ARHGEF6: variants seen among roughly 807,000 people sequenced by gnomAD.
The protein encoded by ARHGEF6 is Rac/Cdc42 guanine nucleotide exchange factor 6.
ARHGEF6 carries 9 observed loss-of-function variants against 70.3 expected under a neutral mutation model. The observed-to-expected ratio is 0.13, with a 90% CI of 0.08 to 0.22. ARHGEF6 has a LOEUF of 0.22. Ranked by LOEUF, ARHGEF6 falls within the 10% of genes least tolerant of loss-of-function variation. The probability of loss-of-function intolerance (pLI) is 1.00; values close to 1 mark genes in which losing one functional copy is unlikely to be tolerated. For missense variants in ARHGEF6, 470 were observed against 563.0 expected, an observed-to-expected ratio of 0.83 and a Z score of 1.67; for synonymous variants, 201 against 207.8, an observed-to-expected ratio of 0.97 and a Z score of 0.28.
chrX:136,694,367 TTTTG>T (rs1171915697), intron 9 of ARHGEF6, among the ~76,000 whole-genome samples: 1 of 112,184 alleles, frequency 8.9e-6, no homozygotes, highest in Non-Finnish European at 1.9e-5. Flanking sequence ...CCCTACCACT[TTTTG>T]TTTGTGATCA....
At position 136,680,857 on chromosome X, in the gene ARHGEF6, A is replaced by G. The variant is rs2076326634; in HGVS notation, c.1578T>C (p.Ile526=). The G allele has an allele frequency of 8.3e-7, 1 of 1,210,222 alleles. No individual in the cohort carries two copies. The highest frequency in any genetic ancestry group is 1.7e-5 in the African/African-American group (1 of 57,177). ...FEITGNTVER[I]VVHCNNNQDF... ...CCTGGTTGTTGTTACAATGGACCAC[A>G]ATTCTCTCCACTGTGTTACCTACAT... is the stretch of plus-strand genomic sequence containing the variant. The change falls in exon 15 of 22, where the codon ATT becomes ATC. Residue 526 remains isoleucine (I), a synonymous_variant. Transcript: ENST00000250617.
At chrX:136,758,765 C>T (rs649869) in intron 2 of ARHGEF6, among the ~76,000 whole-genome samples, 3 of 111,425 alleles carry the variant, frequency 2.7e-5, no homozygotes, top group African/African-American at 9.8e-5. Flanking sequence ...CAACTCCTGA[C>T]CATCTACATG....
rs185474990 is a variant in ARHGEF6, at chrX:136,736,275, A to G, written c.662-4103T>C. Among the ~76,000 whole-genome samples, 11 of 112,294 alleles carry G rather than the reference A, an allele frequency of 9.8e-5. No individual in the cohort carries two copies. The East Asian group carries it at 3.1e-3, about 31-fold the overall frequency. On this transcript the variant is annotated intron_variant, in intron 5 of 21. Coordinates refer to ENST00000250617, the MANE Select transcript of ARHGEF6 (RefSeq NM_004840.3). ...ACAAGTTACCACTGATTTTTCAAAGAGAACGGAAAATTGTATAAGTGGCTA... is the reference window on the plus strand; with the variant it reads ...ACAAGTTACCACTGATTTTTCAAAGGGAACGGAAAATTGTATAAGTGGCTA...
chrX:136,679,451 C>A, intron 16 of ARHGEF6, 84 bp downstream of exon 16: 1 of 1,090,641 alleles, frequency 9.2e-7, no homozygotes. Flanking sequence ...ATCTTAAATT[C>A]TAGCACATTC....
At chrX:136,684,507 C>T (rs2076364416) in intron 12 of ARHGEF6, among the ~76,000 whole-genome samples, 1 of 111,542 alleles carries the variant, frequency 9.0e-6, no homozygotes, top group Non-Finnish European at 1.9e-5. Flanking sequence ...ATCAACCTTT[C>T]TCCCTTTCCC....
rs1448704494 is a variant in ARHGEF6, at chrX:136,767,126, T to C, written c.249+12288A>G. ...CGCGCTCCCCTTCCCCTGACCCTTT[T>C]GCCCCCAGGCAGGTCACCTGGCTCG... is the stretch of plus-strand genomic sequence containing the variant. On this transcript the variant is annotated intron_variant, in intron 2 of 21. Transcript: ENST00000250617. 4.0e-6 allele frequency: 3 copies of C among 753,740 alleles called. No homozygotes were observed. The African/African-American group carries it at 6.9e-5, about 17-fold the overall frequency. 62.1% of individuals were successfully genotyped at this position (753,740 alleles called of 1,213,427 possible).
chrX:136,682,052 A>G, intron 13 of ARHGEF6, 84 bp from the exon 14 acceptor site: 1 of 737,016 alleles, frequency 1.4e-6, no homozygotes, highest in Non-Finnish European at 2.1e-6. Flanking sequence ...CCCTCTCAGC[A>G]AGGCAAAACT....
intron 2 of ARHGEF6, among the ~76,000 whole-genome samples, chrX:136,772,540 C>A (rs1211953750): frequency 8.9e-6 from 1 of 112,118 alleles, no homozygotes; most frequent in Admixed American, 9.4e-5. Flanking sequence ...TATGTACCCA[C>A]AAAAATTGAA....
chrX:136,770,924 G>A (rs751928114), intron 2 of ARHGEF6, among the ~76,000 whole-genome samples: 23 of 112,357 alleles, frequency 2.0e-4, no homozygotes, highest in Non-Finnish European at 3.6e-4. Flanking sequence ...CTGAGCCCAG[G>A]AGTTTGAGAC....
At chrX:136,751,447 C>T (rs1264965820) in intron 2 of ARHGEF6, among the ~76,000 whole-genome samples, 2 of 112,110 alleles carry the variant, frequency 1.8e-5, no homozygotes, top group African/African-American at 3.2e-5. Flanking sequence ...CTACTGTTTA[C>T]TGATTTACTG....
intron 9 of ARHGEF6, among the ~76,000 whole-genome samples, chrX:136,699,107 TA>T (rs1435776350): frequency 1.8e-5 from 2 of 111,952 alleles, no homozygotes; most frequent in African/African-American, 6.5e-5. Flanking sequence ...ACAAACACTA[TA>T]AATATATTTT....
intron 6 of ARHGEF6, among the ~76,000 whole-genome samples, chrX:136,727,737 T>C (rs747407846): frequency 1.8e-4 from 20 of 111,123 alleles, no homozygotes; most frequent in Non-Finnish European, 2.1e-4. Context: ...TATCGCCATG[T>C]TGGCCAGGCT....
At chrX:136,673,764 A>G (rs2076249606) in intron 19 of ARHGEF6, among the ~76,000 whole-genome samples, 1 of 111,232 alleles carries the variant, frequency 9.0e-6, no homozygotes, top group South Asian at 3.9e-4. Flanking sequence ...AGAGTGCGAC[A>G]GTCCTCTCTT....
intron 2 of ARHGEF6, among the ~76,000 whole-genome samples, chrX:136,776,941 T>C (rs1459068583): frequency 9.0e-6 from 1 of 110,569 alleles, no homozygotes; most frequent in Admixed American, 9.6e-5. Flanking sequence ...AATAAACAAA[T>C]AGGCCGGGTG....
At chrX:136,698,551 T>A (rs2076535076) in intron 9 of ARHGEF6, among the ~76,000 whole-genome samples, 2 of 111,715 alleles carry the variant, frequency 1.8e-5, no homozygotes, top group African/African-American at 6.5e-5. Flanking sequence ...CTAGATAATA[T>A]TAACAGCTGA....
intron 12 of ARHGEF6, among the ~76,000 whole-genome samples, chrX:136,685,124 A>G (rs1311895288): frequency 9.0e-6 from 1 of 111,391 alleles, no homozygotes; most frequent in Non-Finnish European, 1.9e-5. Flanking sequence ...GTGCTGCAGC[A>G]AACCAAAGCC....
chrX:136,758,881 G>A, intron 2 of ARHGEF6, among the ~76,000 whole-genome samples: 1 of 111,731 alleles, frequency 9.0e-6, no homozygotes, highest in Non-Finnish European at 1.9e-5. Flanking sequence ...AACACCTGGT[G>A]TCTATGCCAG....
intron 2 of ARHGEF6, among the ~76,000 whole-genome samples, chrX:136,766,950 A>G (rs965785449): frequency 1.2e-4 from 13 of 111,491 alleles, no homozygotes; most frequent in African/African-American, 4.2e-4. Flanking sequence ...CTTGGCCCTC[A>G]TCTCCCCCTT....
At chrX:136,770,186 A>G (rs1170267950) in intron 2 of ARHGEF6, among the ~76,000 whole-genome samples, 3 of 112,440 alleles carry the variant, frequency 2.7e-5, no homozygotes, top group Non-Finnish European at 3.8e-5. Context: ...TGATGTGCAC[A>G]AATTTCTATG....
Sources: gnomAD v4.1 joint callset for allele counts (sites outside exome capture counted in the v4.1 genomes callset) on GRCh38, gnomAD v4.1.1 for gene constraint, MANE v1.5 for transcripts, NCBI Gene and HGNC (gene_info 2026-07-23, HGNC 2026-07-21) for gene names.